The following MRPS6 variants were observed in gnomAD, a reference collection of about 807,000 sequenced individuals.
The protein encoded by MRPS6 is small ribosomal subunit protein bS6m.
MRPS6 carries 6 observed loss-of-function variants against 13.1 expected under a neutral mutation model. The observed-to-expected ratio is 0.46, with a 90% confidence interval of 0.25 to 0.91. The LOEUF is 0.91. Among genes scored for constraint, MRPS6 ranks in the 40% least tolerant of loss-of-function variants. MRPS6 has a pLI of 0.18. For synonymous variants in MRPS6, 61 were observed against 56.5 expected (o/e 1.08, Z -0.36); for missense variants, 164 against 155.6 (o/e 1.05, Z -0.29).
At chr21:34,081,456 G>C (rs984741676) in intron 1 of MRPS6, among the ~76,000 whole-genome samples, 1 of 152,160 alleles carries the variant, frequency 6.6e-6, no homozygotes, top group African/African-American at 2.4e-5. Context: ...ATAGAAAAAT[G>C]CTGATTTTTT....
chr21:34,115,710 G>A (rs1979872836), intron 1 of MRPS6, among the ~76,000 whole-genome samples: 2 of 152,158 alleles, frequency 1.3e-5, no homozygotes, highest in Non-Finnish European at 2.9e-5. Context: ...GCAAGATAGC[G>A]GTTGGGATAG....
chr21:34,080,629 A>T (rs181804133), intron 1 of MRPS6, among the ~76,000 whole-genome samples: 1 of 152,332 alleles, frequency 6.6e-6, no homozygotes, highest in Admixed American at 6.5e-5. Context: ...TGGTTGCATG[A>T]ATCTCATCAC....
intron 2 of MRPS6, among the ~76,000 whole-genome samples, chr21:34,134,981 A>G (rs976046888): frequency 6.6e-6 from 1 of 152,230 alleles, no homozygotes; most frequent in Non-Finnish European, 1.5e-5. Context: ...GTTTATCGAA[A>G]TGCGTATATT....
chr21:34,109,602 A>G (rs114740875), intron 1 of MRPS6, among the ~76,000 whole-genome samples: 108 of 152,232 alleles, frequency 7.1e-4, no homozygotes, highest in African/African-American at 2.4e-3. Flanking sequence ...AAACCTTCAA[A>G]TATGCATCTC....
At position 34,088,009 on chromosome 21, in the gene MRPS6, G is replaced by A. The variant is rs576127226; in HGVS notation, c.45+14264G>A. Among the ~76,000 whole-genome samples, 62 of 152,262 alleles carry A rather than the reference G, an allele frequency of 4.1e-4. 1 individual carries two copies. In the South Asian group the frequency reaches 0.013, roughly 32 times the overall value. ...TGTTCTGAGATGGGGAGGATTGAGA[G>A]TAGAACACATTTTTTGGGCAAGAGC... On this transcript the variant is annotated intron_variant, in intron 1 of 2. Transcript: ENST00000399312.
At chr21:34,076,686 G>A (rs1413605323) in intron 1 of MRPS6, among the ~76,000 whole-genome samples, 1 of 152,172 alleles carries the variant, frequency 6.6e-6, no homozygotes, top group Non-Finnish European at 1.5e-5. Flanking sequence ...TGAAAAGTAG[G>A]TAAAAGTGTG....
rs566443513 is a variant in MRPS6, at chr21:34,136,294, C to T, written c.186-6114C>T. On this transcript the variant is annotated intron_variant, in intron 2 of 2. Transcript: ENST00000399312. ...TCCCAAGTAGCTGGGATTACAGGCA[C>T]GTGCCACCATGCCTGGCTAATTTTT... Among the ~76,000 whole-genome samples, 14 of 152,156 alleles carry T rather than the reference C, an allele frequency of 9.2e-5. 1 individual carries two copies. The highest frequency in any genetic ancestry group is 3.9e-4 in the East Asian group (2 of 5,172).
intron 1 of MRPS6, among the ~76,000 whole-genome samples, chr21:34,088,152 A>C (rs1319539618): frequency 6.6e-6 from 1 of 152,240 alleles, no homozygotes; most frequent in Non-Finnish European, 1.5e-5. Context: ...TAATTCCTTT[A>C]ACTTAATGTT....
At chr21:34,097,581 G>A (rs117803315) in intron 1 of MRPS6, 5 of 1,287,350 alleles carry the variant, frequency 3.9e-6, no homozygotes, top group Admixed American at 3.9e-5. Flanking sequence ...TTGTGCAAAT[G>A]TGGTTTTAAA....
intron 1 of MRPS6, chr21:34,105,031 C>G: frequency 1.0e-6 from 1 of 999,984 alleles, no homozygotes; most frequent in Non-Finnish European, 1.2e-6. Flanking sequence ...GAGTGGCAAA[C>G]AGATCAAGTC....
chr21:34,081,116 C>CA lies in MRPS6; in HGVS notation c.45+7374dup, dbSNP rs1198789784. Among the ~76,000 whole-genome samples, 6 of 151,984 alleles carry CA rather than the reference C, an allele frequency of 3.9e-5. No homozygotes were observed. In the South Asian group the frequency reaches 6.2e-4, roughly 16 times the overall value. ...AGAATTAGATATGGCTGAAATAACTCAAAGTTTGGGAAGAAAAATAACTAG... is the reference window on the plus strand; with the variant it reads ...AGAATTAGATATGGCTGAAATAACTCAAAAGTTTGGGAAGAAAAATAACTAG... On this transcript the variant is annotated intron_variant, in intron 1 of 2. Transcript: ENST00000399312.
chr21:34,107,140 C>G (rs766173904), intron 1 of MRPS6, among the ~76,000 whole-genome samples: 3 of 152,202 alleles, frequency 2.0e-5, no homozygotes, highest in Non-Finnish European at 2.9e-5. Flanking sequence ...CCATGTTGGC[C>G]AGGCTGGTCT....
intron 1 of MRPS6, chr21:34,097,216 G>C (rs755394502): frequency 6.2e-7 from 1 of 1,614,100 alleles, no homozygotes; most frequent in Admixed American, 1.7e-5. Flanking sequence ...AGCAAGAGGA[G>C]TCTCAGAGAC....
chr21:34,073,717 T>C lies in MRPS6; in HGVS notation c.17T>C (p.Leu6Pro). ...CCTCCAGGCATGCCCCGCTACGAGC[T>C]GGCTTTAATCCTGAAAGCCATGCAG... MPRYE[L>P]ALILKAMQRP... The change falls in exon 1 of 3, where the codon CTG (leucine) becomes CCG (proline). Residue 6 changes from leucine (L) to proline (P), a missense_variant. By Grantham distance (98) the Leu-to-Pro change is moderately conservative (BLOSUM62 -3). Coordinates refer to ENST00000399312, the MANE Select transcript of MRPS6 (RefSeq NM_032476.4). 1.3e-6 allele frequency: 2 copies of C among 1,526,438 alleles called. No individual in the cohort carries two copies. Among genetic ancestry groups the C allele is most frequent in the East Asian group, 2.6e-5 (1 of 37,966 alleles). The allele number at this position is 1,526,438 out of a possible 1,614,324, so 94.6% of individuals were successfully genotyped here. A position where few individuals can be genotyped will look rare whatever the true frequency, so the allele number is the denominator to read the frequency against.
At chr21:34,108,761 T>G (rs1979584270) in intron 1 of MRPS6, among the ~76,000 whole-genome samples, 1 of 152,230 alleles carries the variant, frequency 6.6e-6, no homozygotes, top group Non-Finnish European at 1.5e-5. Context: ...AGAAAGCACT[T>G]TCCTTCAGAA....
At chr21:34,081,683 G>T (rs1013287994) in intron 1 of MRPS6, among the ~76,000 whole-genome samples, 4 of 152,166 alleles carry the variant, frequency 2.6e-5, no homozygotes, top group African/African-American at 9.7e-5. Flanking sequence ...ATTCATTTGG[G>T]AGGGTATTTG....
intron 1 of MRPS6, chr21:34,102,581 C>T: frequency 2.0e-6 from 2 of 1,000,044 alleles, no homozygotes; most frequent in Non-Finnish European, 2.4e-6. Context: ...CATACATAGT[C>T]TGAGGCTATT....
At chr21:34,077,858 C>T (rs146158005) in intron 1 of MRPS6, among the ~76,000 whole-genome samples, 4 of 152,254 alleles carry the variant, frequency 2.6e-5, no homozygotes, top group South Asian at 2.1e-4. Flanking sequence ...AAGAGTTTTT[C>T]TCTAAATGCA....
chr21:34,073,792 G>C, intron 1 of MRPS6, 47 bp downstream of exon 1: 1 of 1,381,518 alleles, frequency 7.2e-7, no homozygotes, highest in Middle Eastern at 2.5e-4. Context: ...GGGCGCCCCC[G>C]CTGCCGCTAG....
Sources: allele counts gnomAD v4.1 joint callset (sites outside exome capture counted in the v4.1 genomes callset), GRCh38; gene constraint gnomAD v4.1.1; transcripts MANE v1.5; gene names NCBI Gene and HGNC (gene_info 2026-07-23, HGNC 2026-07-21).